SLC17A3: variants seen among roughly 807,000 people sequenced by gnomAD.
SLC17A3 encodes solute carrier family 17 member 3.
In SLC17A3, 61 loss-of-function variants were observed where a neutral mutation model predicts 60.3. That is an observed-to-expected ratio of 1.01 (90% CI 0.82 to 1.25). The LOEUF (loss-of-function observed/expected upper bound fraction) is 1.25, where lower values mean the gene tolerates loss of function less well. Ranked by LOEUF, SLC17A3 falls within the 50% of genes most tolerant of loss-of-function variation. SLC17A3 has a pLI of 0.00. For missense variants in SLC17A3, 624 were observed against 594.9 expected, an observed-to-expected ratio of 1.05 and a Z score of -0.51; for synonymous variants, 192 against 208.9, an observed-to-expected ratio of 0.92 and a Z score of 0.70.
rs956048219 is a variant in SLC17A3 at position 25,868,531 on chromosome 6, T to G, written c.-33-111A>C. 6.1e-5 allele frequency: 43 copies of G among 705,650 alleles called. No individual in the cohort carries two copies. In the African/African-American group the frequency reaches 6.6e-4, roughly 11 times the overall value. The allele number at this position is 705,650 out of a possible 1,614,324, so 43.7% of individuals were successfully genotyped here. ...AAAAAGCTGGCCCATTCCATCTGGTTGGAGACAGGGAGGCTCATTATCCCC... is the reference window on the plus strand; with the variant it reads ...AAAAAGCTGGCCCATTCCATCTGGTGGGAGACAGGGAGGCTCATTATCCCC... On this transcript the variant is annotated intron_variant, in intron 1 of 12. Coordinates refer to ENST00000397060, the MANE Select transcript of SLC17A3 (RefSeq NM_001098486.2).
At chr6:25,859,265 A>C (rs1481357072) in intron 5 of SLC17A3, among the ~76,000 whole-genome samples, 1 of 152,206 alleles carries the variant, frequency 6.6e-6, no homozygotes, top group Non-Finnish European at 1.5e-5. Context: ...CAATGATTTT[A>C]AACATGAGTC....
At position 25,855,148 on chromosome 6, in the gene SLC17A3, G is replaced by T; in HGVS notation, c.708C>A (p.Ile236=). The T allele has an allele frequency of 6.2e-7, 1 of 1,605,514 alleles. No homozygotes were observed. The highest frequency in any genetic ancestry group is 8.5e-7 in the Non-Finnish European group (1 of 1,172,462). The change falls in exon 6 of 13, where the codon ATC becomes ATA. Residue 236 remains isoleucine (I), a synonymous_variant. Coordinates refer to ENST00000397060, the MANE Select transcript of SLC17A3 (RefSeq NM_001098486.2). ...AACTGGGAGATAGTAGCTTACCAAA[G>T]ATATAGAAGACAAAGGGCCACCCAA... ...ETLGWPFVFY[I]FGGVGCVCCL...
At chr6:25,855,367 A>G (rs1765341758) in intron 5 of SLC17A3, 137 bp from the exon 6 acceptor site, 5 of 660,380 alleles carry the variant, frequency 7.6e-6, no homozygotes, top group Non-Finnish European at 1.1e-5. Context: ...ACAAACTTCA[A>G]ATTTATGATT....
At chr6:25,859,900 T>C (rs1335591401) in intron 5 of SLC17A3, among the ~76,000 whole-genome samples, 2 of 152,162 alleles carry the variant, frequency 1.3e-5, no homozygotes, top group Admixed American at 6.5e-5. Context: ...GTGTTTTAAA[T>C]TGACTGTAAC....
chr6:25,871,510 A>G (rs1228871368), intron 1 of SLC17A3, among the ~76,000 whole-genome samples: 15 of 149,990 alleles, frequency 1.0e-4, no homozygotes, highest in Non-Finnish European at 1.2e-4. Flanking sequence ...CGGGGGAGGG[A>G]TAGCATTAGG....
At chr6:25,869,844 A>G (rs1765612398) in intron 1 of SLC17A3, among the ~76,000 whole-genome samples, 1 of 151,958 alleles carries the variant, frequency 6.6e-6, no homozygotes, top group Admixed American at 6.6e-5. Context: ...CATCCAAACC[A>G]TATCAGGAAT....
chr6:25,850,729 T>A, intron 7 of SLC17A3, 30 bp downstream of exon 7: 1 of 1,606,280 alleles, frequency 6.2e-7, no homozygotes, highest in Non-Finnish European at 8.5e-7. Context: ...ATACAAGGTC[T>A]CAGAAAAGTG....
At chr6:25,848,599 T>G in intron 11 of SLC17A3, among the ~76,000 whole-genome samples, 1 of 152,260 alleles carries the variant, frequency 6.6e-6, no homozygotes, top group Non-Finnish European at 1.5e-5. Flanking sequence ...AAAAATCAAC[T>G]GAAGATAGAT....
chr6:25,845,470 A>C lies in SLC17A3; in HGVS notation c.1409T>G (p.Val470Gly), dbSNP rs148365748. 1.2e-6 allele frequency: 2 copies of C among 1,614,068 alleles called. No individual in the cohort carries two copies. Among genetic ancestry groups the C allele is most frequent in the Non-Finnish European group, 1.7e-6 (2 of 1,179,964 alleles). ...GTAGAAGAGTAGTCCTAACAGGTTA[A>C]CGGCAAACAGCAAGAAGAAGACATT... ...WRNVFFLLFAVNLLGLLFYLI... is the reference protein window; with the variant it reads ...WRNVFFLLFAGNLLGLLFYLI... The change falls in exon 12 of 13, where the codon GTT becomes GGT. Residue 470 changes from valine to glycine, a missense_variant. Val to Gly is a moderately radical substitution (Grantham distance 109). Transcript: ENST00000397060.
At position 25,855,136 on chromosome 6, in the gene SLC17A3, T is replaced by C; in HGVS notation, c.712+8A>G. 1.9e-6 allele frequency: 3 copies of C among 1,580,754 alleles called. No homozygotes were observed. In the Admixed American group the frequency reaches 5.0e-5, roughly 26 times the overall value. ...TGAAACTCAGGGAACTGGGAGATAGTAGCTTACCAAAGATATAGAAGACAA... is the reference window on the plus strand; with the variant it reads ...TGAAACTCAGGGAACTGGGAGATAGCAGCTTACCAAAGATATAGAAGACAA... On this transcript the variant is annotated splice_region_variant and intron_variant, in intron 6 of 12. Transcript: ENST00000397060.
At chr6:25,854,795 T>TA (rs1489068153) in intron 6 of SLC17A3, among the ~76,000 whole-genome samples, 2 of 150,520 alleles carry the variant, frequency 1.3e-5, no homozygotes, top group East Asian at 3.9e-4. Flanking sequence ...CTCCTGTGCT[T>TA]ACTCTGAGAC....
At position 25,850,191 on chromosome 6, in the gene SLC17A3, A is replaced by G. The variant is rs371337481; in HGVS notation, c.994-14T>C. ...TAGAAGTCCATTCTAAAGAGAAAAG[A>G]TTGAGTAAATTACCATAATAAAGGC... On this transcript the variant is annotated splice_polypyrimidine_tract_variant and intron_variant, in intron 8 of 12. Transcript: ENST00000397060. 32 of 1,611,464 alleles carry G rather than the reference A, an allele frequency of 2.0e-5. No individual in the cohort carries two copies. The highest frequency in any genetic ancestry group is 2.5e-5 in the Non-Finnish European group (29 of 1,178,388).
chr6:25,850,481 A>C lies in SLC17A3; in HGVS notation c.971T>G (p.Val324Gly). 1 of 1,613,918 alleles carries C rather than the reference A, an allele frequency of 6.2e-7. No individual in the cohort carries two copies. The highest frequency in any genetic ancestry group is 8.5e-7 in the Non-Finnish European group (1 of 1,179,834). The change falls in exon 8 of 13, where the codon GTG becomes GGG. Residue 324 changes from valine to glycine, a missense_variant. Val to Gly is a moderately radical substitution (Grantham distance 109). Transcript: ENST00000397060. The stretch of plus-strand genomic sequence containing the variant: ...CACGTCTCTGATGTTAACATGGTAC[A>C]CAGAGCTGATGTAAGTTGGTATGTA... ...VVYIPTYISS[V>G]YHVNIRDNGL...
At chr6:25,847,176 T>TA (rs1455486335) in intron 11 of SLC17A3, among the ~76,000 whole-genome samples, 1 of 152,194 alleles carries the variant, frequency 6.6e-6, no homozygotes, top group African/African-American at 2.4e-5. Context: ...ACATGTGGTA[T>TA]TTGGTTTTCT....
chr6:25,870,272 C>T (rs905387310), intron 1 of SLC17A3, among the ~76,000 whole-genome samples: 1 of 151,924 alleles, frequency 6.6e-6, no homozygotes, highest in African/African-American at 2.4e-5. Flanking sequence ...TGCCCTGGTT[C>T]TATATTCAAA....
chr6:25,845,594 C>G, intron 11 of SLC17A3, 78 bp from the exon 12 acceptor site: 2 of 1,511,984 alleles, frequency 1.3e-6, no homozygotes, highest in Non-Finnish European at 1.8e-6. Flanking sequence ...GTTCAGATGA[C>G]AACATTCACT....
At position 25,849,832 on chromosome 6, in the gene SLC17A3, T is replaced by C. The variant is rs1428458389; in HGVS notation, c.1244A>G (p.Tyr415Cys). Residue 415 changes from tyrosine to cysteine, a missense_variant, in exon 10 of 13, where the codon TAT becomes TGT. Coordinates refer to ENST00000397060, the MANE Select transcript of SLC17A3 (RefSeq NM_001098486.2). ...TGGAGCAATATCTAAGACATTGATA[T>C]AAATCCCTGACTGACACAATGTGCT... ...GLSTLCQSGI[Y>C]INVLDIAPRY... 1 of 1,613,950 alleles carries C rather than the reference T, an allele frequency of 6.2e-7. No homozygotes were observed. The highest frequency in any genetic ancestry group is 8.5e-7 in the Non-Finnish European group (1 of 1,179,826).
intron 2 of SLC17A3, among the ~76,000 whole-genome samples, chr6:25,863,814 C>T (rs1416232119): frequency 1.3e-5 from 2 of 152,032 alleles, no homozygotes; most frequent in Non-Finnish European, 2.9e-5. Context: ...AGGCCACGTC[C>T]TCCAGTCCAG....
Position 25,849,879 on chromosome 6 carries a change from C to T in SLC17A3, c.1197G>A (p.Leu399=). ...LNSGYITATA[L]LTLSCGLSTL... ...TGCTTAATCCGCAAGAGAGCGTCAG[C>T]AAGGCAGTTGCTGTGATATAGCCGG... Residue 399 remains leucine (L), a synonymous_variant, in exon 10 of 13, where the codon TTG becomes TTA. Coordinates refer to ENST00000397060, the MANE Select transcript of SLC17A3 (RefSeq NM_001098486.2). 1.2e-6 allele frequency: 2 copies of T among 1,614,052 alleles called. No individual in the cohort carries two copies. The highest frequency in any genetic ancestry group is 1.7e-6 in the Non-Finnish European group (2 of 1,179,886).
Sources: allele counts gnomAD v4.1 joint callset (sites outside exome capture counted in the v4.1 genomes callset), GRCh38; gene constraint gnomAD v4.1.1; transcripts MANE v1.5; gene names NCBI Gene and HGNC (gene_info 2026-07-23, HGNC 2026-07-21).